PCLO: variants seen among roughly 807,000 people sequenced by gnomAD.
PCLO encodes the protein piccolo presynaptic cytomatrix protein.
In PCLO, 82 loss-of-function variants were observed where a neutral mutation model predicts 427.5. The ratio of observed to expected loss-of-function variants is 0.19; its 90% CI spans 0.16 to 0.23. The LOEUF is 0.23. PCLO is among the 10% of genes least tolerant of loss of function. The pLI is 1.00. For missense variants in PCLO, 6,239 were observed against 6,115.9 expected, an observed-to-expected ratio of 1.02 and a Z score of -0.67; for synonymous variants, 2,357 against 2,155.4, an observed-to-expected ratio of 1.09 and a Z score of -2.59.
intron 13 of PCLO, among the ~76,000 whole-genome samples, chr7:82,843,369 T>C (rs1792415468): frequency 2.0e-5 from 3 of 152,002 alleles, no homozygotes; most frequent in Admixed American, 6.6e-5. Flanking sequence ...TATAGAAGCA[T>C]AGAGAAGAAT....
At position 82,805,694 on chromosome 7, in the gene PCLO, G is replaced by A. The variant is rs1355371871; in HGVS notation, c.14927C>T (p.Pro4976Leu). 3.1e-6 allele frequency: 5 copies of A among 1,612,206 alleles called. No individual in the cohort carries two copies. Among genetic ancestry groups the A allele is most frequent in the African/African-American group, 2.7e-5 (2 of 74,838 alleles). ...CAAAAAGAGACCCACTTACATCCTC[G>A]GAATAGGAAATAGATTAGTCTCCCC... is the stretch of plus-strand genomic sequence containing the variant. Reference protein sequence around the residue: ...TAGETNLFPIPRIGKMGQNGQ... With the variant: ...TAGETNLFPILRIGKMGQNGQ... Residue 4976 changes from proline (P) to leucine (L), a missense_variant, in exon 21 of 25, where the codon CCG becomes CTG. Physicochemically the swap from Pro to Leu is moderately conservative, Grantham distance 98. Transcript: ENST00000333891.
In PCLO at chr7:82,801,599, GAAATA is replaced by G. The variant is rs773974036; in HGVS notation, c.14934-13_14934-9del. 4 of 1,530,190 alleles carry G rather than the reference GAAATA, an allele frequency of 2.6e-6. No individual in the cohort carries two copies. The African/African-American group carries it at 4.1e-5, about 16-fold the overall frequency. 94.8% of individuals were successfully genotyped at this position (1,530,190 alleles called of 1,614,324 possible). ...TTCTGTCCCATCTTCCCTCTGTTTA[GAAATA>G]AAATAAAATGATATATTCAGTTATG... On this transcript the variant is annotated splice_polypyrimidine_tract_variant and intron_variant, in intron 21 of 24. Transcript: ENST00000333891.
chr7:83,112,716 T>C (rs563100840), intron 3 of PCLO, among the ~76,000 whole-genome samples: 2 of 152,300 alleles, frequency 1.3e-5, no homozygotes, highest in South Asian at 2.1e-4. Flanking sequence ...CTTCCTTTCA[T>C]ACATAAAGAA....
chr7:82,935,413 TTGGATATAGGAAACATCCA>T (rs959682593), intron 6 of PCLO, among the ~76,000 whole-genome samples: 2 of 151,314 alleles, frequency 1.3e-5, no homozygotes, highest in African/African-American at 4.8e-5. Context: ...AGTAGTTTGC[TTGGATATAGGAAACATCCA>T]TAAAATACCT....
rs761516342 is a variant in PCLO, at chr7:82,754,561, G to A, written c.*4014C>T. ...CAAATGAAATTAATATTTCAACTTCGTCTACTTTACCAAGTGTATACTTAT... is the reference window on the plus strand; with the variant it reads ...CAAATGAAATTAATATTTCAACTTCATCTACTTTACCAAGTGTATACTTAT... On this transcript the variant is annotated 3_prime_UTR_variant, in exon 25 of 25. Coordinates refer to ENST00000333891, the MANE Select transcript of PCLO (RefSeq NM_033026.6). The A allele has an allele frequency of 3.9e-5, 6 of 151,990 alleles. No individual in the cohort carries two copies. The East Asian group carries it at 5.8e-4, about 15-fold the overall frequency. 9.4% of individuals were successfully genotyped at this position (151,990 alleles called of 1,614,324 possible). A position where few individuals can be genotyped will look rare whatever the true frequency, so the allele number is the denominator to read the frequency against.
chr7:82,989,961 AC>A (rs1247616714), intron 3 of PCLO, among the ~76,000 whole-genome samples: 6 of 152,172 alleles, frequency 3.9e-5, no homozygotes, highest in Admixed American at 3.3e-4. Context: ...AAATATTAAA[AC>A]TTAAGAGTAA....
intron 3 of PCLO, among the ~76,000 whole-genome samples, chr7:83,052,325 T>C (rs1176513871): frequency 3.9e-5 from 6 of 151,900 alleles, no homozygotes. Flanking sequence ...TAAAACTGCT[T>C]TAAAATAAAA....
At chr7:83,076,998 A>AT (rs60791071) in intron 3 of PCLO, among the ~76,000 whole-genome samples, 1 of 144,532 alleles carries the variant, frequency 6.9e-6, no homozygotes, top group Non-Finnish European at 1.5e-5. Flanking sequence ...AAAGTATAAT[A>AT]ATTTTAAAAT....
chr7:83,080,772 T>C (rs757625321), intron 3 of PCLO, among the ~76,000 whole-genome samples: 25 of 152,084 alleles, frequency 1.6e-4, no homozygotes, highest in Admixed American at 5.2e-4. Context: ...TTCCCCCTTA[T>C]CTGTGGGGGG....
chr7:82,759,408 T>C (rs1424119307), intron 24 of PCLO, among the ~76,000 whole-genome samples: 1 of 151,916 alleles, frequency 6.6e-6, no homozygotes, highest in African/African-American at 2.4e-5. Flanking sequence ...TACTTCAAAA[T>C]TTGTACTTCC....
chr7:82,800,650 C>A (rs370336269), intron 22 of PCLO, among the ~76,000 whole-genome samples: 1 of 152,124 alleles, frequency 6.6e-6, no homozygotes, highest in Admixed American at 6.5e-5. Flanking sequence ...GGCTGGAGTG[C>A]AGTGGCGAGA....
At chr7:82,982,942 G>A (rs1028347928) in intron 3 of PCLO, among the ~76,000 whole-genome samples, 6 of 151,420 alleles carry the variant, frequency 4.0e-5, no homozygotes, top group Non-Finnish European at 7.4e-5. Flanking sequence ...TTTATATAAA[G>A]TTTTTATCTA....
chr7:82,824,639 T>C (rs978450958), intron 18 of PCLO, among the ~76,000 whole-genome samples: 1 of 150,184 alleles, frequency 6.7e-6, no homozygotes, highest in African/African-American at 2.5e-5. Flanking sequence ...AACTGAACTG[T>C]ATAAAATTTT....
intron 3 of PCLO, among the ~76,000 whole-genome samples, chr7:82,994,859 C>T (rs774732515): frequency 9.3e-5 from 14 of 151,340 alleles, no homozygotes; most frequent in Non-Finnish European, 1.3e-4. Flanking sequence ...AGTACAAAAC[C>T]GATAGAATTT....
At chr7:83,032,786 T>G (rs1390187996) in intron 3 of PCLO, among the ~76,000 whole-genome samples, 1 of 152,098 alleles carries the variant, frequency 6.6e-6, no homozygotes, top group East Asian at 1.9e-4. Flanking sequence ...AATCTAGAGT[T>G]GAATCATGAA....
chr7:82,883,189 T>C (rs1179307913), intron 9 of PCLO, among the ~76,000 whole-genome samples: 4 of 152,046 alleles, frequency 2.6e-5, no homozygotes, highest in African/African-American at 9.7e-5. Context: ...ATGTCATTGG[T>C]TGGGCTAAAG....
intron 3 of PCLO, among the ~76,000 whole-genome samples, chr7:83,004,214 GAATCAACA>G (rs1351424486): frequency 6.6e-6 from 1 of 151,666 alleles, no homozygotes; most frequent in African/African-American, 2.4e-5. Context: ...GCAATCTTGA[GAATCAACA>G]AAGGTATAGG....
intron 3 of PCLO, among the ~76,000 whole-genome samples, chr7:82,991,748 T>A (rs1281650981): frequency 6.6e-6 from 1 of 152,128 alleles, no homozygotes; most frequent in Admixed American, 6.6e-5. Flanking sequence ...GGCACCATAA[T>A]CATGTTGCTA....
chr7:83,122,909 T>G (rs960716737), intron 3 of PCLO, among the ~76,000 whole-genome samples: 2 of 152,234 alleles, frequency 1.3e-5, no homozygotes, highest in Admixed American at 6.5e-5. Flanking sequence ...ATTAAATACT[T>G]AGACATAAAC....
Sources: allele counts gnomAD v4.1 joint callset (sites outside exome capture counted in the v4.1 genomes callset), GRCh38; gene constraint gnomAD v4.1.1; transcripts MANE v1.5; gene names NCBI Gene and HGNC (gene_info 2026-07-23, HGNC 2026-07-21).